ESRRB: variants seen among roughly 807,000 people sequenced by gnomAD.
ESRRB encodes estrogen related receptor beta.
ESRRB carries 16 observed loss-of-function variants against 46.0 expected under a neutral mutation model. The observed-to-expected ratio is 0.35, with a 90% CI of 0.24 to 0.53. The LOEUF is 0.53. ESRRB is among the 20% of genes least tolerant of loss of function. The pLI, the probability that ESRRB is intolerant of heterozygous loss-of-function variation, is 0.93. For synonymous variants in ESRRB, 246 were observed against 259.6 expected (o/e 0.95, Z 0.50); for missense variants, 488 against 607.4 (o/e 0.80, Z 2.07).
upstream of ESRRB, among the ~76,000 whole-genome samples, chr14:76,368,126 CTT>C (rs751709764): frequency 0.15 from 18,597 of 123,958 alleles, 832 homozygotes; most frequent in Middle Eastern, 0.22. Context: ...CTAATTTTTC[CTT>C]TTTTTTTTTT....
At chr14:76,486,626 T>C (rs564752089) in intron 5 of ESRRB, among the ~76,000 whole-genome samples, 13 of 152,040 alleles carry the variant, frequency 8.6e-5, no homozygotes, top group Non-Finnish European at 1.8e-4. Flanking sequence ...GATGGGGAGC[T>C]TGGGGAGAGC....
intron 1 of ESRRB, among the ~76,000 whole-genome samples, chr14:76,338,382 G>A (rs905956692): frequency 2.6e-5 from 4 of 152,148 alleles, no homozygotes; most frequent in Non-Finnish European, 5.9e-5. Context: ...TAGCACCTCC[G>A]TGCCAGCCCT....
Position 76,499,765 on chromosome 14 carries a change from A to AGG in ESRRB, c.*1308_*1309dup, listed in dbSNP as rs1162582845. The AGG allele has an allele frequency of 3.8e-6, 4 of 1,047,428 alleles. No individual in the cohort carries two copies. Among genetic ancestry groups the AGG allele is most frequent in the Non-Finnish European group, 6.0e-6 (4 of 665,292 alleles). 64.9% of individuals were successfully genotyped at this position (1,047,428 alleles called of 1,614,324 possible). ...TTATCCCAGGAAACTCCTCTACCCC[A>AGG]GGCACACGGGGACAGTGGGTCACTC... On this transcript the variant is annotated 3_prime_UTR_variant, in exon 7 of 7. Transcript: ENST00000644823.
intron 3 of ESRRB, among the ~76,000 whole-genome samples, chr14:76,464,283 C>T (rs1889013030): frequency 6.6e-6 from 1 of 152,194 alleles, no homozygotes; most frequent in Admixed American, 6.5e-5. Context: ...GAAGCCCAGC[C>T]CAGCCTTGGG....
At chr14:76,396,393 C>T (rs1189309733) in intron 1 of ESRRB, among the ~76,000 whole-genome samples, 4 of 151,902 alleles carry the variant, frequency 2.6e-5, no homozygotes, top group Non-Finnish European at 5.9e-5. Context: ...AAAAACTGTC[C>T]TTTGAGTTAG....
intron 1 of ESRRB, among the ~76,000 whole-genome samples, chr14:76,355,096 AT>A (rs1410275929): frequency 3.3e-5 from 5 of 152,176 alleles, no homozygotes. Context: ...CCCTGGAAAG[AT>A]GTCACCCTTT....
chr14:76,336,327 C>A (rs1461460168), intron 1 of ESRRB, among the ~76,000 whole-genome samples: 8 of 152,114 alleles, frequency 5.3e-5, no homozygotes, highest in African/African-American at 1.9e-4. Flanking sequence ...GGCTCAAGAC[C>A]AAGTCTTGGC....
chr14:76,320,535 G>T (rs972466363), intron 1 of ESRRB, among the ~76,000 whole-genome samples: 8 of 152,226 alleles, frequency 5.3e-5, no homozygotes, highest in African/African-American at 1.9e-4. Context: ...TGTAGGCAGG[G>T]CATGGTGGGC....
At chr14:76,430,060 G>T (rs1887376039) in intron 1 of ESRRB, among the ~76,000 whole-genome samples, 1 of 151,544 alleles carries the variant, frequency 6.6e-6, no homozygotes, top group Admixed American at 6.6e-5. Context: ...AAGTGCCCAT[G>T]AATCCATATT....
chr14:76,322,341 G>A (rs996014550), intron 1 of ESRRB, among the ~76,000 whole-genome samples: 1 of 152,126 alleles, frequency 6.6e-6, no homozygotes, highest in African/African-American at 2.4e-5. Context: ...CTGAGGAGCC[G>A]GGAACCATGT....
chr14:76,358,320 AAAAAAAGAAAGAAAGAAAGAAAGAAAG>A, intron 1 of ESRRB, among the ~76,000 whole-genome samples: 2 of 83,422 alleles, frequency 2.4e-5, no homozygotes, highest in African/African-American at 8.4e-5. Flanking sequence ...TCAAAAAAAA[AAAAAAAGAAAGAAAGAAAGAAAGAAAG>A]AAAGAAAGAA....
Position 76,439,337 on chromosome 14 carries a change from A to G in ESRRB, c.51-4A>G. The G allele has an allele frequency of 6.2e-7, 1 of 1,613,548 alleles. No homozygotes were observed. The highest frequency in any genetic ancestry group is 8.5e-7 in the Non-Finnish European group (1 of 1,180,004). On this transcript the variant is annotated splice_polypyrimidine_tract_variant and splice_region_variant and intron_variant, in intron 1 of 6. Transcript: ENST00000644823. ...GGGGCTGACTTCCCGATTTGTGTCC[A>G]CAGGCTGCTGAACAGGATGTCCTCG...
At chr14:76,380,259 G>T (rs900312246) in intron 1 of ESRRB, among the ~76,000 whole-genome samples, 6 of 152,186 alleles carry the variant, frequency 3.9e-5, no homozygotes, top group African/African-American at 1.4e-4. Context: ...GAGGAAGGAT[G>T]CGTGTGACAG....
intron 5 of ESRRB, among the ~76,000 whole-genome samples, chr14:76,486,838 T>G (rs886638191): frequency 1.3e-5 from 2 of 152,196 alleles, no homozygotes; most frequent in Non-Finnish European, 2.9e-5. Context: ...GGTAGCCTCT[T>G]CAGGGGCCTC....
At chr14:76,496,206 G>A (rs544027482) in intron 6 of ESRRB, among the ~76,000 whole-genome samples, 16 of 152,346 alleles carry the variant, frequency 1.1e-4, no homozygotes, top group Middle Eastern at 3.4e-3. Flanking sequence ...GGTGGCCTGG[G>A]GAAGAGGAGC....
At chr14:76,480,852 T>C (rs540441052) in intron 3 of ESRRB, among the ~76,000 whole-genome samples, 1 of 152,378 alleles carries the variant, frequency 6.6e-6, no homozygotes, top group Admixed American at 6.5e-5. Context: ...AAGTTGAACC[T>C]GGCCTGTCGC....
intron 1 of ESRRB, among the ~76,000 whole-genome samples, chr14:76,365,593 C>G (rs1012992868): frequency 6.6e-6 from 1 of 152,164 alleles, no homozygotes; most frequent in Admixed American, 6.5e-5. Context: ...GAGCTTGAAC[C>G]ATTCTGAACC....
intron 2 of ESRRB, 40 bp from the exon 3 acceptor site, chr14:76,462,505 G>A (rs369379084): frequency 9.7e-5 from 150 of 1,540,964 alleles, no homozygotes; most frequent in Non-Finnish European, 1.2e-4. Flanking sequence ...GGGGCCCTGG[G>A]CGGCCAGCAC....
chr14:76,422,769 A>C (rs1887024300), intron 1 of ESRRB, among the ~76,000 whole-genome samples: 1 of 152,204 alleles, frequency 6.6e-6, no homozygotes, highest in African/African-American at 2.4e-5. Context: ...AGGTCAGGCA[A>C]CAGTTGCACA....
Sources: allele counts gnomAD v4.1 joint callset (sites outside exome capture counted in the v4.1 genomes callset), GRCh38; gene constraint gnomAD v4.1.1; transcripts MANE v1.5; gene names NCBI Gene and HGNC (gene_info 2026-07-23, HGNC 2026-07-21).